Variants in ATP2B2 observed in about 807,000 individuals in gnomAD.
ATP2B2 encodes plasma membrane calcium-transporting ATPase 2.
ATP2B2 carries 15 observed loss-of-function variants against 120.0 expected under a neutral mutation model. That is an observed-to-expected ratio of 0.12 (90% CI 0.08 to 0.19). ATP2B2 has a LOEUF of 0.19. ATP2B2 is among the 10% of genes least tolerant of loss of function. ATP2B2 has a pLI of 1.00. For missense variants in ATP2B2, 1,045 were observed against 1,719.8 expected, an observed-to-expected ratio of 0.61 and a Z score of 6.94; for synonymous variants, 694 against 700.3, an observed-to-expected ratio of 0.99 and a Z score of 0.14.
chr3:10,497,803 T>C (rs1031013586), intron 1 of ATP2B2, among the ~76,000 whole-genome samples: 2 of 152,180 alleles, frequency 1.3e-5, no homozygotes, highest in Non-Finnish European at 2.9e-5. Context: ...GGTCACGTAA[T>C]ACACACAAAA....
At chr3:10,461,005 CAGG>C (rs1301626284) in intron 1 of ATP2B2, among the ~76,000 whole-genome samples, 1 of 152,156 alleles carries the variant, frequency 6.6e-6, no homozygotes, top group Non-Finnish European at 1.5e-5. Context: ...ATCAGAGAAA[CAGG>C]AAGCTAAGGC....
intron 2 of ATP2B2, among the ~76,000 whole-genome samples, chr3:10,564,947 A>C (rs1426935639): frequency 6.6e-6 from 1 of 152,214 alleles, no homozygotes; most frequent in Non-Finnish European, 1.5e-5. Flanking sequence ...CTCTGCAGCT[A>C]GGTGTAGCCA....
chr3:10,355,905 C>G lies in ATP2B2; in HGVS notation c.2136+2786G>C, dbSNP rs1347894963. ...TGGCTAACACGGTGAAACCCCGTCT[C>G]TACTAAAAAAATACAAAAAATTAGC... On this transcript the variant is annotated intron_variant, in intron 14 of 22. Coordinates refer to ENST00000360273, the MANE Select transcript of ATP2B2 (RefSeq NM_001001331.4). Among the ~76,000 whole-genome samples the G allele has an allele frequency of 1.3e-3, 100 of 77,504 alleles. 37 individuals are homozygous for G. In the East Asian group the frequency reaches 0.14, roughly 109 times the overall value. The allele number at this position is 77,504 out of a possible 152,430, so 50.8% of individuals were successfully genotyped here. A position where few individuals can be genotyped will look rare whatever the true frequency, so the allele number is the denominator to read the frequency against.
chr3:10,519,651 A>G (rs2066943865), intron 3 of ATP2B2, among the ~76,000 whole-genome samples: 1 of 152,250 alleles, frequency 6.6e-6, no homozygotes, highest in African/African-American at 2.4e-5. Flanking sequence ...TTTGATAGAA[A>G]GGTTTTAGGA....
Position 10,402,389 on chromosome 3 carries a change from G to T in ATP2B2, c.398-41C>A, listed in dbSNP as rs1297987658. The T allele has an allele frequency of 8.7e-6, 14 of 1,608,628 alleles. No individual in the cohort carries two copies. The highest frequency in any genetic ancestry group is 1.2e-5 in the Non-Finnish European group (14 of 1,179,932). ...GAAGCAGGCAGAGTGAGGTCAACCA[G>T]ACAGGAGAGGCCTCATGGGCCTGGA... On this transcript the variant is annotated intron_variant, in intron 3 of 22. Coordinates refer to ENST00000360273, the MANE Select transcript of ATP2B2 (RefSeq NM_001001331.4). The surrounding 1 kb of genome is among the most constrained non-coding windows in gnomAD (Gnocchi z 4.9).
At chr3:10,492,049 T>C (rs1310549422) in intron 1 of ATP2B2, among the ~76,000 whole-genome samples, 2 of 152,228 alleles carry the variant, frequency 1.3e-5, no homozygotes, top group African/African-American at 4.8e-5. Context: ...TTGCCATAGA[T>C]CCTTCTGTAT....
In ATP2B2 at chr3:10,340,807, T is replaced by G. The variant is rs977006559; in HGVS notation, c.2918-103A>C. 1 of 1,142,904 alleles carries G rather than the reference T, an allele frequency of 8.7e-7. No individual in the cohort carries two copies. 70.8% of individuals were successfully genotyped at this position (1,142,904 alleles called of 1,614,324 possible). A position where few individuals can be genotyped will look rare whatever the true frequency, so the allele number is the denominator to read the frequency against. On this transcript the variant is annotated intron_variant, in intron 19 of 22. Transcript: ENST00000360273. This position sits in a 1 kb window ranked among gnomAD's most constrained non-coding sequence, Gnocchi z 5.0. ...GGCCTCTTCTGAGCAGTGACGTGAA[T>G]CCCCAAGACATCAAGGCATGCTTGG...
intron 1 of ATP2B2, among the ~76,000 whole-genome samples, chr3:10,486,785 T>C (rs2065693942): frequency 6.6e-6 from 1 of 152,142 alleles, no homozygotes; most frequent in Admixed American, 6.5e-5. Context: ...AGTGGCATGA[T>C]CTTGGCTCAC....
chr3:10,464,070 C>T (rs956192713), intron 1 of ATP2B2, among the ~76,000 whole-genome samples: 2 of 152,338 alleles, frequency 1.3e-5, no homozygotes, highest in Admixed American at 1.3e-4. Flanking sequence ...TAGTGACCAT[C>T]CTGGCTGAAG....
intron 2 of ATP2B2, among the ~76,000 whole-genome samples, chr3:10,603,524 T>C (rs1160144824): frequency 6.6e-6 from 1 of 152,240 alleles, no homozygotes; most frequent in African/African-American, 2.4e-5. Flanking sequence ...ACCGTCAATC[T>C]GCTTAGCAAA....
rs546150288 is a variant in ATP2B2, at chr3:10,340,994, C to T, written c.2918-290G>A. ...GACGGCCGGCTGTGTTAAAGGTGGGCGACATGGCTTCTAAAAAGTGACCTC... is the reference window on the plus strand; with the variant it reads ...GACGGCCGGCTGTGTTAAAGGTGGGTGACATGGCTTCTAAAAAGTGACCTC... On this transcript the variant is annotated intron_variant, in intron 19 of 22. Coordinates refer to ENST00000360273, the MANE Select transcript of ATP2B2 (RefSeq NM_001001331.4). This position sits in a 1 kb window ranked among gnomAD's most constrained non-coding sequence, Gnocchi z 5.0. Among the ~76,000 whole-genome samples, 122 of 152,204 alleles carry T rather than the reference C, an allele frequency of 8.0e-4. No individual in the cohort carries two copies. Among genetic ancestry groups the T allele is most frequent in the Non-Finnish European group, 1.3e-3 (91 of 68,000 alleles).
At chr3:10,603,472 A>G (rs563846112) in intron 2 of ATP2B2, among the ~76,000 whole-genome samples, 1 of 152,348 alleles carries the variant, frequency 6.6e-6, no homozygotes, top group East Asian at 1.9e-4. Context: ...TGGAATGCAA[A>G]TGCTGCTGCT....
rs565333269 is a variant in ATP2B2 at position 10,612,449 on chromosome 3, G to A, written c.-415+7468C>T. On this transcript the variant is annotated intron_variant, in intron 2 of 21. Transcript: ENST00000646379. ...AAAGCACTTGCCTGGGGACCCCTGC[G>A]TACTCCCTTGGTTCTCCTCCTACCT... is the stretch of plus-strand genomic sequence containing the variant. Among the ~76,000 whole-genome samples the A allele has an allele frequency of 6.6e-5, 10 of 152,120 alleles. No homozygotes were observed. In the South Asian group the frequency reaches 8.3e-4, roughly 13 times the overall value.
In ATP2B2 at chr3:10,347,420, T is replaced by C. The variant is rs2060460569; in HGVS notation, c.2405-1283A>G. Among the ~76,000 whole-genome samples the C allele has an allele frequency of 6.6e-6, 1 of 152,232 alleles. No homozygotes were observed. Among genetic ancestry groups the C allele is most frequent in the African/African-American group, 2.4e-5 (1 of 41,456 alleles). On this transcript the variant is annotated intron_variant, in intron 16 of 22. Coordinates refer to ENST00000360273, the MANE Select transcript of ATP2B2 (RefSeq NM_001001331.4). The surrounding 1 kb of genome is among the most constrained non-coding windows in gnomAD (Gnocchi z 5.2). ...GTGCTGCTCCATCCTTGCGCATCTC[T>C]CTGCTCTGTGCCTAGCAGACGGCAG... is the stretch of plus-strand genomic sequence containing the variant.
At chr3:10,383,939 C>T (rs1030626204) in intron 8 of ATP2B2, among the ~76,000 whole-genome samples, 17 of 152,146 alleles carry the variant, frequency 1.1e-4, no homozygotes, top group Non-Finnish European at 1.5e-5. Flanking sequence ...GGTGCCCCCT[C>T]TAGGTTCCTT....
intron 5 of ATP2B2, among the ~76,000 whole-genome samples, chr3:10,391,128 C>T (rs2061836215): frequency 6.6e-6 from 1 of 152,182 alleles, no homozygotes; most frequent in Non-Finnish European, 1.5e-5. Context: ...CTCTGTAGAA[C>T]ACCTACTGTG....
intron 1 of ATP2B2, among the ~76,000 whole-genome samples, chr3:10,486,726 G>A (rs2065689492): frequency 6.6e-6 from 1 of 151,948 alleles, no homozygotes; most frequent in Non-Finnish European, 1.5e-5. Context: ...GATGATGATG[G>A]TGATGATGAT....
upstream of ATP2B2, among the ~76,000 whole-genome samples, chr3:10,508,966 G>T (rs980998225): frequency 8.5e-5 from 13 of 152,308 alleles, no homozygotes; most frequent in African/African-American, 3.1e-4. Flanking sequence ...ACGGAAGGAG[G>T]AGCCAGCCAA....
chr3:10,386,087 G>A (rs1381732121), intron 7 of ATP2B2, among the ~76,000 whole-genome samples: 2 of 152,222 alleles, frequency 1.3e-5, no homozygotes, highest in African/African-American at 4.8e-5. Context: ...GCAGGAAGAG[G>A]CCCCACTGGG....
Sources: gnomAD v4.1 joint callset for allele counts (sites outside exome capture counted in the v4.1 genomes callset) on GRCh38, gnomAD v4.1.1 for gene constraint, Gnocchi (gnomAD v3.1) non-coding constraint, MANE v1.5 for transcripts, NCBI Gene and HGNC (gene_info 2026-07-23, HGNC 2026-07-21) for gene names.